Variants in TBC1D14 observed in about 807,000 individuals in gnomAD.
TBC1D14 encodes the protein TBC1 domain family member 14.
In TBC1D14, 26 loss-of-function variants were observed where a neutral mutation model predicts 79.0. That is an observed-to-expected ratio of 0.33 (90% CI 0.24 to 0.46). The LOEUF (loss-of-function observed/expected upper bound fraction) is 0.46. Ranked by LOEUF, TBC1D14 falls within the 20% of genes least tolerant of loss-of-function variation. The pLI, the probability that TBC1D14 is intolerant of heterozygous loss-of-function variation, is 1.00. For missense variants in TBC1D14, 769 were observed against 887.6 expected (o/e 0.87, Z 1.70); for synonymous variants, 394 against 349.9 (o/e 1.13, Z -1.40).
Position 6,919,840 on chromosome 4 carries a change from C to T in TBC1D14, c.-17-3533C>T, listed in dbSNP as rs187078076. On this transcript the variant is annotated intron_variant, in intron 1 of 13. Coordinates refer to ENST00000409757, the MANE Select transcript of TBC1D14 (RefSeq NM_020773.3). ...TTCACCATGTTGGTCAGGCTGGTCT[C>T]AAACTCCTGACTTCGTGATCTGCCC... Among the ~76,000 whole-genome samples, 138 of 152,160 alleles carry T rather than the reference C, an allele frequency of 9.1e-4. No individual in the cohort carries two copies. The East Asian group carries it at 0.025, about 28-fold the overall frequency.
chr4:7,021,974 T>C (rs2109304771), intron 12 of TBC1D14, among the ~76,000 whole-genome samples: 1 of 152,358 alleles, frequency 6.6e-6, no homozygotes, highest in Non-Finnish European at 1.5e-5. Context: ...AGGGCTTCTT[T>C]GGGGCCAGGA....
intron 2 of TBC1D14, among the ~76,000 whole-genome samples, chr4:6,961,569 G>T (rs902108442): frequency 1.2e-4 from 18 of 152,170 alleles, no homozygotes; most frequent in African/African-American, 4.1e-4. Context: ...GCACTTAATG[G>T]GCAGAGGGAG....
chr4:6,990,106 T>G (rs1021372554), intron 3 of TBC1D14, among the ~76,000 whole-genome samples: 9 of 152,256 alleles, frequency 5.9e-5, no homozygotes, highest in Non-Finnish European at 1.2e-4. Flanking sequence ...AATGCTGTTG[T>G]GACCAATCAA....
intron 13 of TBC1D14, among the ~76,000 whole-genome samples, chr4:7,026,801 A>G (rs1242527226): frequency 6.6e-6 from 1 of 151,928 alleles, no homozygotes; most frequent in Non-Finnish European, 1.5e-5. Context: ...GGAGGCTGAG[A>G]TGGGAGGACC....
At chr4:7,001,514 T>C in intron 7 of TBC1D14, 1 of 396,934 alleles carries the variant, frequency 2.5e-6, no homozygotes, top group Non-Finnish European at 4.6e-6. Context: ...GGGAGGTGCC[T>C]GAGCTTCGCA....
chr4:6,929,513 G>C (rs1350163131), intron 2 of TBC1D14, among the ~76,000 whole-genome samples: 1 of 152,180 alleles, frequency 6.6e-6, no homozygotes, highest in Non-Finnish European at 1.5e-5. Flanking sequence ...ACCCGCCTGA[G>C]GGTGGAGGTG....
intron 2 of TBC1D14, among the ~76,000 whole-genome samples, chr4:6,953,964 G>T (rs370274324): frequency 6.6e-6 from 1 of 152,114 alleles, no homozygotes. Context: ...TTCCAGGTCC[G>T]AGGTCCCGGT....
Position 6,936,957 on chromosome 4 carries a change from T to G in TBC1D14, c.722+12846T>G, listed in dbSNP as rs1712396109. 2.6e-5 allele frequency among the ~76,000 whole-genome samples: 4 copies of G among 152,210 alleles called. No individual in the cohort carries two copies. The South Asian group carries it at 8.3e-4, about 31-fold the overall frequency. The stretch of plus-strand genomic sequence containing the variant: ...TTTGAGACAGAGTTTTGCTCTTGTT[T>G]CCCAGGCAAGAGTGCAATGGCACGA... On this transcript the variant is annotated intron_variant, in intron 2 of 13. Transcript: ENST00000409757.
At chr4:6,968,673 C>CTGACTGCT (rs1553862000) in intron 3 of TBC1D14, among the ~76,000 whole-genome samples, 2 of 51,220 alleles carry the variant, frequency 3.9e-5, no homozygotes, top group African/African-American at 9.6e-5. Context: ...GGCTGACCGC[C>CTGACTGCT]GGGAGGAGGC....
intron 1 of TBC1D14, among the ~76,000 whole-genome samples, chr4:6,915,089 C>T (rs1723288588): frequency 6.6e-6 from 1 of 152,130 alleles, no homozygotes; most frequent in Admixed American, 6.6e-5. Context: ...CTTGTGGAGC[C>T]CTCTACCAGG....
chr4:6,915,998 C>T (rs1231435288), intron 1 of TBC1D14, among the ~76,000 whole-genome samples: 5 of 151,122 alleles, frequency 3.3e-5, no homozygotes, highest in East Asian at 1.9e-4. Flanking sequence ...TGGTGGCGGG[C>T]GCCTGTAATC....
At chr4:6,969,788 AG>A (rs1716064286) in intron 3 of TBC1D14, among the ~76,000 whole-genome samples, 1 of 151,706 alleles carries the variant, frequency 6.6e-6, no homozygotes, top group East Asian at 1.9e-4. Context: ...TGAAATGACT[AG>A]GCCAGTTCAT....
At chr4:7,023,715 G>C (rs1214514692) in intron 12 of TBC1D14, among the ~76,000 whole-genome samples, 2 of 152,192 alleles carry the variant, frequency 1.3e-5, no homozygotes, top group Non-Finnish European at 2.9e-5. Flanking sequence ...GTGAGACCTG[G>C]GTCCGTTTAG....
At chr4:6,938,941 C>T (rs560117784) in intron 2 of TBC1D14, among the ~76,000 whole-genome samples, 1 of 152,310 alleles carries the variant, frequency 6.6e-6, no homozygotes, top group Admixed American at 6.5e-5. Context: ...TCTGGTTGTG[C>T]AGTAGTGCAG....
chr4:6,967,308 T>C lies in TBC1D14; in HGVS notation c.727T>C (p.Leu243=). The C allele has an allele frequency of 6.2e-7, 1 of 1,613,678 alleles. No homozygotes were observed. Among genetic ancestry groups the C allele is most frequent in the Non-Finnish European group, 8.5e-7 (1 of 1,179,934 alleles). The change falls in exon 3 of 14, where the codon TTG becomes CTG. Residue 243 remains leucine (L), a synonymous_variant. Coordinates refer to ENST00000409757, the MANE Select transcript of TBC1D14 (RefSeq NM_020773.3). ...GPFSNFFARN[L]LARKQSARLD... ...CTTGTTATTTTCTTCCTATAGGAAC[T>C]TGCTTGCTAGAAAACAAAGTGCAAG...
intron 13 of TBC1D14, among the ~76,000 whole-genome samples, chr4:7,029,986 C>T (rs997184276): frequency 3.9e-5 from 6 of 152,124 alleles, no homozygotes; most frequent in South Asian, 2.1e-4. Context: ...AGGAGTGCAG[C>T]GGGATGGGCA....
chr4:7,021,706 A>T (rs6832482), intron 12 of TBC1D14, among the ~76,000 whole-genome samples: 15,858 of 152,020 alleles, frequency 0.1, 1,010 homozygotes, highest in African/African-American at 0.18. Flanking sequence ...TATTACTTTT[A>T]AAAAAATACC....
chr4:6,933,984 G>A (rs1321298946), intron 2 of TBC1D14, among the ~76,000 whole-genome samples: 2 of 152,132 alleles, frequency 1.3e-5, no homozygotes, highest in African/African-American at 2.4e-5. Flanking sequence ...TGAGACTTTC[G>A]GCCTCAGCCA....
intron 8 of TBC1D14, 54 bp downstream of exon 8, chr4:7,004,978 C>T (rs923491509): frequency 6.7e-7 from 1 of 1,500,644 alleles, no homozygotes. Flanking sequence ...GTTTGTCATT[C>T]TTTATTACAT....
Sources: gnomAD v4.1 joint callset for allele counts (sites outside exome capture counted in the v4.1 genomes callset) on GRCh38, gnomAD v4.1.1 for gene constraint, MANE v1.5 for transcripts, NCBI Gene and HGNC (gene_info 2026-07-23, HGNC 2026-07-21) for gene names.